ASPSCR1: variants seen among roughly 807,000 people sequenced by gnomAD.
ASPSCR1 encodes ASPSCR1 tether for SLC2A4, UBX domain containing.
Under a neutral mutation model 68.9 loss-of-function variants are expected in ASPSCR1, and 55 were observed. The ratio of observed to expected loss-of-function variants is 0.80; its 90% CI spans 0.64 to 1.00. The LOEUF (loss-of-function observed/expected upper bound fraction) is 1.00. ASPSCR1 is among the 50% of genes least tolerant of loss of function. The pLI is 0.00. For synonymous variants in ASPSCR1, 352 were observed against 332.6 expected, an observed-to-expected ratio of 1.06 and a Z score of -0.63; for missense variants, 765 against 762.2, an observed-to-expected ratio of 1.00 and a Z score of -0.04.
rs371864329 is a variant in ASPSCR1 at position 81,982,744 on chromosome 17, CTCTT to C, written c.159-793_159-790del. 810 of 151,668 alleles carry C rather than the reference CTCTT, an allele frequency of 5.3e-3. 6 individuals are homozygous for C. The highest frequency in any genetic ancestry group is 0.011 in the African/African-American group (450 of 41,348). 9.4% of individuals were successfully genotyped at this position (151,668 alleles called of 1,614,324 possible). ...TTTCTTTCTTTTTCTTTCTTGTTTT[CTCTT>C]TCTTTCTTTCTTTCTTCTTCTCTTT... On this transcript the variant is annotated intron_variant, in intron 2 of 15. Coordinates refer to ENST00000306739, the MANE Select transcript of ASPSCR1 (RefSeq NM_024083.4).
At position 81,983,317 on chromosome 17, in the gene ASPSCR1, G is replaced by A. The variant is rs1261670490; in HGVS notation, c.159-237G>A. On this transcript the variant is annotated intron_variant, in intron 2 of 15. Coordinates refer to ENST00000306739, the MANE Select transcript of ASPSCR1 (RefSeq NM_024083.4). This position sits in a 1 kb window ranked among gnomAD's most constrained non-coding sequence, Gnocchi z 4.4. ...AGGAGCAGCCCCCTCGGCGTGCACC[G>A]AGGCCCACATCTCCCTTTTTCCTGC... Among the ~76,000 whole-genome samples the A allele has an allele frequency of 2.6e-5, 4 of 152,104 alleles. No homozygotes were observed. The highest frequency in any genetic ancestry group is 1.9e-4 in the East Asian group (1 of 5,166).
intron 3 of ASPSCR1, among the ~76,000 whole-genome samples, chr17:81,984,318 C>T (rs554702930): frequency 4.6e-4 from 70 of 152,238 alleles, no homozygotes; most frequent in African/African-American, 1.6e-3. Context: ...CAAGGGCAGC[C>T]TGTAATCCCA....
In ASPSCR1 at chr17:81,987,974, A is replaced by G. The variant is rs2042049245; in HGVS notation, c.374+2367A>G. ...GGAGTTCGAGACCAGCCTGGCCAAT[A>G]TGGTGAAACTCCATCTCTACTAAAA... On this transcript the variant is annotated intron_variant, in intron 4 of 15. Coordinates refer to ENST00000306739, the MANE Select transcript of ASPSCR1 (RefSeq NM_024083.4). This position sits in a 1 kb window ranked among gnomAD's most constrained non-coding sequence, Gnocchi z 5.6. Among the ~76,000 whole-genome samples, 1 of 151,858 alleles carries G rather than the reference A, an allele frequency of 6.6e-6. No individual in the cohort carries two copies. The highest frequency in any genetic ancestry group is 2.4e-5 in the African/African-American group (1 of 41,340).
At chr17:81,998,027 A>G (rs2042410445) in intron 7 of ASPSCR1, among the ~76,000 whole-genome samples, 1 of 147,972 alleles carries the variant, frequency 6.8e-6, no homozygotes, top group African/African-American at 2.5e-5. Flanking sequence ...GGGTTTCACC[A>G]TGTTGGCCAG....
chr17:82,016,327 A>G (rs1212948150), intron 12 of ASPSCR1, 149 bp from the exon 13 acceptor site: 2 of 697,512 alleles, frequency 2.9e-6, no homozygotes, highest in South Asian at 1.9e-5. Flanking sequence ...GGTGTCAGAC[A>G]GGAAGCTGGG....
chr17:81,993,103 C>T (rs1286405722), intron 4 of ASPSCR1, among the ~76,000 whole-genome samples: 3 of 152,178 alleles, frequency 2.0e-5, no homozygotes, highest in African/African-American at 7.2e-5. Context: ...CACACGTGGC[C>T]GAGTCCCCAG....
chr17:82,017,150 G>T, intron 15 of ASPSCR1, 37 bp downstream of exon 15: 1 of 1,566,788 alleles, frequency 6.4e-7, no homozygotes. Context: ...TGCTGTGGCC[G>T]GGTGGAGGGC....
At chr17:82,003,456 A>G (rs2042604252) in intron 7 of ASPSCR1, among the ~76,000 whole-genome samples, 1 of 152,172 alleles carries the variant, frequency 6.6e-6, no homozygotes, top group Non-Finnish European at 1.5e-5. Flanking sequence ...TCAAAACAGA[A>G]ACATCTCTGC....
At chr17:82,007,466 T>TG (rs1191116388) in intron 7 of ASPSCR1, 1 of 152,228 alleles carries the variant, frequency 6.6e-6, no homozygotes, top group Non-Finnish European at 1.5e-5. Flanking sequence ...GCTGTGGGCC[T>TG]GGGGGTCCTT....
In ASPSCR1 at chr17:82,011,531, TCTC is replaced by T; in HGVS notation, c.1238-8_1238-6del. The T allele has an allele frequency of 6.3e-7, 1 of 1,577,088 alleles. No individual in the cohort carries two copies. The highest frequency in any genetic ancestry group is 2.4e-5 in the East Asian group (1 of 42,054). ...GGAAGAGCTGTCTGTATGTTCTTTT[TCTC>T]CTCTGCAGTGGGGGACTTGCGAGAC... On this transcript the variant is annotated splice_polypyrimidine_tract_variant and intron_variant, in intron 10 of 15. Coordinates refer to ENST00000306739, the MANE Select transcript of ASPSCR1 (RefSeq NM_024083.4).
intron 4 of ASPSCR1, among the ~76,000 whole-genome samples, chr17:81,989,035 C>T (rs1249675939): frequency 6.6e-6 from 1 of 151,976 alleles, no homozygotes; most frequent in Admixed American, 6.6e-5. Flanking sequence ...TGGTGAAACC[C>T]CGTCTCTACT....
chr17:81,986,776 G>A lies in ASPSCR1; in HGVS notation c.374+1169G>A, dbSNP rs533690671. Among the ~76,000 whole-genome samples the A allele has an allele frequency of 1.6e-4, 25 of 152,364 alleles. No homozygotes were observed. Among genetic ancestry groups the A allele is most frequent in the Admixed American group, 5.9e-4 (9 of 15,304 alleles). On this transcript the variant is annotated intron_variant, in intron 4 of 15. Coordinates refer to ENST00000306739, the MANE Select transcript of ASPSCR1 (RefSeq NM_024083.4). This position sits in a 1 kb window ranked among gnomAD's most constrained non-coding sequence, Gnocchi z 5.2. ...CTGGGAAGGTGACTGTGCGTTGGGCGCGCTTGGTGGCCCCAGGGCTGGGCC... is the reference window on the plus strand; with the variant it reads ...CTGGGAAGGTGACTGTGCGTTGGGCACGCTTGGTGGCCCCAGGGCTGGGCC...
Position 81,979,221 on chromosome 17 carries a change from C to T in ASPSCR1, c.140C>T (p.Pro47Leu). 1 of 1,614,138 alleles carries T rather than the reference C, an allele frequency of 6.2e-7. No individual in the cohort carries two copies. The highest frequency in any genetic ancestry group is 8.5e-7 in the Non-Finnish European group (1 of 1,179,996). The change falls in exon 2 of 16, where the codon CCC becomes CTC. Residue 47 changes from proline to leucine, a missense_variant. By Grantham distance (98) the Pro-to-Leu change is moderately conservative. Transcript: ENST00000306739. Reference sequence around the variant, plus strand: ...ACGTGCCGGCGGCAGGACTTCAACCCCTGTGAATATGATCTGAAGTGAGTT... The same window carrying T: ...ACGTGCCGGCGGCAGGACTTCAACCTCTGTGAATATGATCTGAAGTGAGTT... ...EDTCRRQDFN[P>L]CEYDLKFQRS... is the part of the protein sequence containing the mutation.
intron 12 of ASPSCR1, 87 bp downstream of exon 12, chr17:82,012,370 G>A (rs1196618670): frequency 6.9e-7 from 1 of 1,455,382 alleles, no homozygotes; most frequent in African/African-American, 1.4e-5. Context: ...CAGGAAGGAG[G>A]GGCCTGGCAG....
chr17:82,016,288 G>GCCCT, intron 12 of ASPSCR1, 188 bp from the exon 13 acceptor site: 1 of 593,544 alleles, frequency 1.7e-6, no homozygotes, highest in Middle Eastern at 4.5e-4. Flanking sequence ...GTCCCAGGAC[G>GCCCT]CCCTGGCCTT....
chr17:82,011,646 CGGGGCCTT>C (rs2042950628), intron 11 of ASPSCR1, 41 bp downstream of exon 11: 1 of 1,595,422 alleles, frequency 6.3e-7, no homozygotes, highest in African/African-American at 1.4e-5. Flanking sequence ...CTCCAGTGCT[CGGGGCCTT>C]GGTGCTGTGG....
At position 82,003,536 on chromosome 17, in the gene ASPSCR1, C is replaced by G. The variant is rs1173448869; in HGVS notation, c.934-5501C>G. Among the ~76,000 whole-genome samples, 2 of 152,356 alleles carry G rather than the reference C, an allele frequency of 1.3e-5. 1 individual carries two copies. The highest frequency in any genetic ancestry group is 4.8e-5 in the African/African-American group (2 of 41,592). ...GCTGGCAGGCCCGGGCCATGAGCAT[C>G]GGTGCGGATGCTGTGCTCAGCCTGG... On this transcript the variant is annotated intron_variant, in intron 7 of 15. Transcript: ENST00000306739.
At chr17:82,005,434 G>C (rs1334420573) in intron 7 of ASPSCR1, 1 of 152,148 alleles carries the variant, frequency 6.6e-6, no homozygotes, top group Non-Finnish European at 1.5e-5. Flanking sequence ...GAGACAGGAA[G>C]CCCCACGCAG....
chr17:82,011,415 G>A, intron 10 of ASPSCR1, 128 bp from the exon 11 acceptor site: 1 of 891,898 alleles, frequency 1.1e-6, no homozygotes, highest in East Asian at 2.8e-5. Flanking sequence ...TGCTGTGGGA[G>A]GAACAGGGCT....
Sources: gnomAD v4.1 joint callset for allele counts (sites outside exome capture counted in the v4.1 genomes callset) on GRCh38, gnomAD v4.1.1 for gene constraint, Gnocchi (gnomAD v3.1) non-coding constraint, MANE v1.5 for transcripts, NCBI Gene and HGNC (gene_info 2026-07-23, HGNC 2026-07-21) for gene names.